TMPRSS15: variants seen among roughly 807,000 people sequenced by gnomAD.
The protein encoded by TMPRSS15 is enteropeptidase.
A neutral mutation model predicts 125.3 loss-of-function variants in TMPRSS15; 128 were observed. That is an observed-to-expected ratio of 1.02 (90% CI 0.89 to 1.18). The LOEUF is 1.18. TMPRSS15 is among the 50% of genes most tolerant of loss of function. The pLI is 0.00. For synonymous variants in TMPRSS15, 446 were observed against 423.2 expected, an observed-to-expected ratio of 1.05 and a Z score of -0.66; for missense variants, 1,283 against 1,212.7, an observed-to-expected ratio of 1.06 and a Z score of -0.86.
intron 1 of TMPRSS15, among the ~76,000 whole-genome samples, chr21:18,400,677 T>C (rs2123135563): frequency 6.6e-6 from 1 of 152,262 alleles, no homozygotes; most frequent in Admixed American, 6.5e-5. Flanking sequence ...TGGCAGAGAA[T>C]TTAGGACTAA....
At chr21:18,451,915 AT>A (rs1282062570) in intron 1 of TMPRSS15, among the ~76,000 whole-genome samples, 9 of 152,184 alleles carry the variant, frequency 5.9e-5, no homozygotes, top group African/African-American at 1.7e-4. Context: ...AATTTTATGC[AT>A]GCATAATTTT....
At chr21:18,389,131 T>A (rs1168153212) in intron 3 of TMPRSS15, among the ~76,000 whole-genome samples, 162 of 85,460 alleles carry the variant, frequency 1.9e-3, no homozygotes, top group Middle Eastern at 0.021. Flanking sequence ...GAAAGAAAGA[T>A]GGAAGGAAGG....
rs1390617746 is a variant in TMPRSS15 at position 18,443,542 on chromosome 21, G to A, written c.10+42257C>T. On this transcript the variant is annotated intron_variant, in intron 1 of 7. Transcript: ENST00000422787. ...CAGAAAGTCAACTGGACATATTGCC[G>A]GGACAACTCTTGATTCCAAGGGAAC... Among the ~76,000 whole-genome samples, 14 of 152,296 alleles carry A rather than the reference G, an allele frequency of 9.2e-5. No homozygotes were observed. The South Asian group carries it at 2.3e-3, about 25-fold the overall frequency.
At chr21:18,378,369 C>A (rs955957486) in intron 5 of TMPRSS15, among the ~76,000 whole-genome samples, 1 of 152,036 alleles carries the variant, frequency 6.6e-6, no homozygotes, top group Admixed American at 6.6e-5. Context: ...AACCTAAATA[C>A]AACTGCAGAA....
intron 1 of TMPRSS15, among the ~76,000 whole-genome samples, chr21:18,437,718 T>G (rs1441431828): frequency 6.6e-6 from 1 of 152,036 alleles, no homozygotes; most frequent in Non-Finnish European, 1.5e-5. Flanking sequence ...AAAAGACACA[T>G]GAAAAAATGC....
At chr21:18,353,692 A>G (rs758052366) in intron 9 of TMPRSS15, 31 bp downstream of exon 9, 2 of 1,599,202 alleles carry the variant, frequency 1.3e-6, no homozygotes, top group South Asian at 2.3e-5. Flanking sequence ...GCATCTAAAA[A>G]TTAAAAAGCC....
In TMPRSS15 at chr21:18,379,335, A is replaced by G; in HGVS notation, c.497-17T>C. On this transcript the variant is annotated splice_polypyrimidine_tract_variant and intron_variant, in intron 4 of 24. Coordinates refer to ENST00000284885, the MANE Select transcript of TMPRSS15 (RefSeq NM_002772.3). ...TTAGCTTGTCTGAAAAATAAATTAT[A>G]TTAAAATAATTATTACCTATTTTAA... The G allele has an allele frequency of 8.4e-7, 1 of 1,190,664 alleles. No homozygotes were observed. The highest frequency in any genetic ancestry group is 1.1e-6 in the Non-Finnish European group (1 of 890,144). 73.8% of individuals were successfully genotyped at this position (1,190,664 alleles called of 1,614,324 possible). A position where few individuals can be genotyped will look rare whatever the true frequency, so the allele number is the denominator to read the frequency against.
chr21:18,357,163 C>A (rs924588747), intron 8 of TMPRSS15, among the ~76,000 whole-genome samples: 32 of 151,836 alleles, frequency 2.1e-4, no homozygotes, highest in African/African-American at 7.5e-4. Flanking sequence ...CCGTCTTCTA[C>A]CCCTTTCATA....
At chr21:18,352,640 A>T (rs902540180) in intron 10 of TMPRSS15, among the ~76,000 whole-genome samples, 26 of 151,992 alleles carry the variant, frequency 1.7e-4, no homozygotes, top group Non-Finnish European at 5.9e-5. Flanking sequence ...TAGGATGACA[A>T]CCTAGTCTTG....
chr21:18,310,421 A>G (rs1011882847), intron 18 of TMPRSS15, among the ~76,000 whole-genome samples: 5 of 152,094 alleles, frequency 3.3e-5, no homozygotes, highest in African/African-American at 1.2e-4. Flanking sequence ...ACAACCAACT[A>G]GCTGAAAAAG....
At chr21:18,401,530 C>A (rs1231360129) in intron 1 of TMPRSS15, among the ~76,000 whole-genome samples, 1 of 152,070 alleles carries the variant, frequency 6.6e-6, no homozygotes, top group East Asian at 1.9e-4. Context: ...AGCTAAACAG[C>A]AGGCACTCGT....
At chr21:18,395,140 G>A (rs2076023256) in intron 3 of TMPRSS15, among the ~76,000 whole-genome samples, 1 of 152,094 alleles carries the variant, frequency 6.6e-6, no homozygotes, top group Admixed American at 6.5e-5. Flanking sequence ...AAGGTCTATG[G>A]CCATTTAGCA....
rs761670799 is a variant in TMPRSS15 at position 18,353,751 on chromosome 21, A to G, written c.993T>C (p.Tyr331=). 1.2e-6 allele frequency: 2 copies of G among 1,611,546 alleles called. No homozygotes were observed. Among genetic ancestry groups the G allele is most frequent in the East Asian group, 2.2e-5 (1 of 44,678 alleles). The change falls in exon 9 of 25, where the codon TAT becomes TAC. Residue 331 remains tyrosine (Y), a synonymous_variant. Transcript: ENST00000284885. The part of the protein sequence containing the change: ...ESDYVGFNAT[Y]TAFNSSELNN... ...TAAGCTCACTGCTGTTAAATGCAGT[A>G]TATGTTGCATTAAAGCCAACATAAT...
intron 1 of TMPRSS15, among the ~76,000 whole-genome samples, chr21:18,430,738 AC>A (rs1451191589): frequency 1.3e-5 from 2 of 152,186 alleles, no homozygotes; most frequent in Non-Finnish European, 2.9e-5. Context: ...ATCATGAGAC[AC>A]AGGGAAAACA....
intron 13 of TMPRSS15, among the ~76,000 whole-genome samples, chr21:18,334,057 G>C (rs895188183): frequency 2.0e-5 from 3 of 152,138 alleles, no homozygotes; most frequent in Non-Finnish European, 4.4e-5. Flanking sequence ...TTTTGGGAGG[G>C]ATAATTAAGT....
chr21:18,316,668 G>A (rs565364615), intron 16 of TMPRSS15, among the ~76,000 whole-genome samples: 28 of 151,968 alleles, frequency 1.8e-4, no homozygotes, highest in Admixed American at 1.1e-3. Context: ...TCTGGAGGCC[G>A]TTGGTGGTGG....
chr21:18,432,900 T>G (rs951661531), intron 1 of TMPRSS15, among the ~76,000 whole-genome samples: 1 of 152,188 alleles, frequency 6.6e-6, no homozygotes, highest in Non-Finnish European at 1.5e-5. Flanking sequence ...ATGATGTGAT[T>G]TTTTTTCTTC....
At chr21:18,329,374 A>G (rs1219870843) in intron 14 of TMPRSS15, 80 bp from the exon 15 acceptor site, 1 of 1,401,354 alleles carries the variant, frequency 7.1e-7, no homozygotes, top group Non-Finnish European at 9.7e-7. Flanking sequence ...GAGAATTTCA[A>G]ATAACTTAAA....
chr21:18,393,866 T>C (rs1028363854), intron 3 of TMPRSS15, among the ~76,000 whole-genome samples: 3 of 152,160 alleles, frequency 2.0e-5, no homozygotes, highest in African/African-American at 7.2e-5. Flanking sequence ...GTTCTAAATA[T>C]ACCAATACAA....
Sources: allele counts gnomAD v4.1 joint callset (sites outside exome capture counted in the v4.1 genomes callset), GRCh38; gene constraint gnomAD v4.1.1; transcripts MANE v1.5; gene names NCBI Gene and HGNC (gene_info 2026-07-23, HGNC 2026-07-21).